The following CRLS1 variants were observed in gnomAD, a reference collection of about 807,000 sequenced individuals.
CRLS1 encodes the protein cardiolipin synthase (CMP-forming).
In CRLS1, 24 loss-of-function variants were observed where a neutral mutation model predicts 37.0. The ratio of observed to expected loss-of-function variants is 0.65; its 90% CI spans 0.47 to 0.91. CRLS1 has a LOEUF of 0.91. Ranked by LOEUF, CRLS1 falls within the 40% of genes least tolerant of loss-of-function variation. CRLS1 has a pLI of 0.00. For missense variants in CRLS1, 373 were observed against 395.8 expected, an observed-to-expected ratio of 0.94 and a Z score of 0.49; for synonymous variants, 135 against 159.7, an observed-to-expected ratio of 0.85 and a Z score of 1.17.
rs745898147 is a variant in CRLS1 at position 6,034,458 on chromosome 20, A to G, written c.730-6A>G. ...TTCACTTAGAACTTTTTCTTTTTTT[A>G]TTTAGGTGAATACAGCAGTCCAGTT... On this transcript the variant is annotated splice_region_variant and splice_polypyrimidine_tract_variant and intron_variant, in intron 5 of 6. Coordinates refer to ENST00000378863, the MANE Select transcript of CRLS1 (RefSeq NM_019095.6). The G allele has an allele frequency of 1.2e-5, 19 of 1,605,496 alleles. No individual in the cohort carries two copies. The South Asian group carries it at 2.0e-4, about 17-fold the overall frequency.
At chr20:6,013,397 A>G (rs963928153) in intron 2 of CRLS1, among the ~76,000 whole-genome samples, 4 of 152,030 alleles carry the variant, frequency 2.6e-5, no homozygotes, top group African/African-American at 7.2e-5. Flanking sequence ...AGGTAGAAAG[A>G]TTAAATGAAA....
chr20:6,033,705 G>A (rs1254140688), intron 5 of CRLS1, among the ~76,000 whole-genome samples: 1 of 151,990 alleles, frequency 6.6e-6, no homozygotes, highest in Non-Finnish European at 1.5e-5. Context: ...TTGAAACGGG[G>A]TCTTGCGCTG....
At position 6,006,843 on chromosome 20, in the gene CRLS1, C is replaced by T. The variant is rs1024112460; in HGVS notation, c.306+291C>T. On this transcript the variant is annotated intron_variant, in intron 1 of 6. Coordinates refer to ENST00000378863, the MANE Select transcript of CRLS1 (RefSeq NM_019095.6). ...ATATTGCATTGATAAAGGTAGCCTT[C>T]GCTTGTCTTACTAAAAGCCTATTTT... 4.1e-6 allele frequency: 4 copies of T among 982,926 alleles called. No homozygotes were observed. The South Asian group carries it at 1.4e-4, about 35-fold the overall frequency. The allele number at this position is 982,926 out of a possible 1,614,324, so 60.9% of individuals were successfully genotyped here. A position where few individuals can be genotyped will look rare whatever the true frequency, so the allele number is the denominator to read the frequency against.
At chr20:6,015,623 T>C (rs1978688789) in intron 3 of CRLS1, 133 bp downstream of exon 3, 1 of 871,184 alleles carries the variant, frequency 1.1e-6, no homozygotes, top group East Asian at 2.7e-5. Flanking sequence ...TTCCCTAATT[T>C]TAAACTGTTG....
upstream of CRLS1, chr20:6,006,113 T>G: frequency 7.2e-6 from 3 of 417,096 alleles, no homozygotes; most frequent in African/African-American, 2.1e-5. Context: ...TGTGCTGGGG[T>G]GTGTAAAGTA....
rs1408919585 is a variant in CRLS1, at chr20:6,038,198, A to G, written c.*1040A>G. 6.6e-6 allele frequency: 1 copy of G among 152,222 alleles called. No homozygotes were observed. The highest frequency in any genetic ancestry group is 1.9e-4 in the East Asian group (1 of 5,206). The allele number at this position is 152,222 out of a possible 1,614,324, so 9.4% of individuals were successfully genotyped here. ...TCTGACTTTAAAAGACTGTTGCTAC[A>G]CGTACATCATGTTTAGGAGAATGTG... On this transcript the variant is annotated 3_prime_UTR_variant, in exon 7 of 7. Transcript: ENST00000378863.
chr20:6,039,743 TAA>T lies in CRLS1; in HGVS notation c.*2599_*2600del, dbSNP rs11087708. The T allele has an allele frequency of 1.9e-3, 268 of 144,804 alleles. No individual in the cohort carries two copies. Among genetic ancestry groups the T allele is most frequent in the Middle Eastern group, 3.5e-3 (1 of 284 alleles). 9.0% of individuals were successfully genotyped at this position (144,804 alleles called of 1,614,324 possible). A position where few individuals can be genotyped will look rare whatever the true frequency, so the allele number is the denominator to read the frequency against. ...GGCCCCAATAACTAGGTTTTTTTGT[TAA>T]AAAAAAAAAAAAAGGAAATGTGAAC... is the stretch of plus-strand genomic sequence containing the variant. On this transcript the variant is annotated 3_prime_UTR_variant, in exon 7 of 7. Transcript: ENST00000378863.
rs554140432 is a variant in CRLS1 at position 6,017,397 on chromosome 20, A to C, written c.574+1907A>C. Among the ~76,000 whole-genome samples, 11 of 152,340 alleles carry C rather than the reference A, an allele frequency of 7.2e-5. No homozygotes were observed. The South Asian group carries it at 2.3e-3, about 32-fold the overall frequency. On this transcript the variant is annotated intron_variant, in intron 3 of 6. Coordinates refer to ENST00000378863, the MANE Select transcript of CRLS1 (RefSeq NM_019095.6). ...GTGATTCCTAATTGATGTTTTCTTT[A>C]AAAAGTTATCTCTCTTAATTCATTT...
At chr20:6,024,750 T>A (rs1246561210) in intron 3 of CRLS1, among the ~76,000 whole-genome samples, 1 of 152,238 alleles carries the variant, frequency 6.6e-6, no homozygotes, top group Non-Finnish European at 1.5e-5. Context: ...ATTAAAATTG[T>A]TACTCCAGTG....
intron 3 of CRLS1, among the ~76,000 whole-genome samples, chr20:6,029,226 TTG>T (rs1363191717): frequency 6.6e-6 from 1 of 152,172 alleles, no homozygotes; most frequent in African/African-American, 2.4e-5. Flanking sequence ...GGTCACACTG[TTG>T]GGTTGGAACC....
At chr20:6,022,899 C>A (rs955939575) in intron 3 of CRLS1, among the ~76,000 whole-genome samples, 4 of 152,146 alleles carry the variant, frequency 2.6e-5, no homozygotes, top group Non-Finnish European at 5.9e-5. Flanking sequence ...GTTAGACGTT[C>A]TCCCCGTATC....
chr20:6,029,745 C>G (rs978259298), intron 3 of CRLS1, among the ~76,000 whole-genome samples: 3 of 152,138 alleles, frequency 2.0e-5, no homozygotes, highest in African/African-American at 7.2e-5. Context: ...AAAAATGTTC[C>G]TAAAAATTAT....
chr20:6,029,966 G>A (rs1216913979), intron 3 of CRLS1, among the ~76,000 whole-genome samples: 4 of 152,150 alleles, frequency 2.6e-5, no homozygotes, highest in Admixed American at 6.5e-5. Flanking sequence ...CCAATTGAAT[G>A]TCAAAACTGG....
intron 3 of CRLS1, among the ~76,000 whole-genome samples, chr20:6,021,504 G>A (rs988101311): frequency 6.6e-6 from 1 of 152,164 alleles, no homozygotes; most frequent in Non-Finnish European, 1.5e-5. Flanking sequence ...AATATATTTT[G>A]TGGGTTCTTA....
chr20:6,033,267 T>C (rs1980312588), intron 5 of CRLS1, among the ~76,000 whole-genome samples: 1 of 151,800 alleles, frequency 6.6e-6, no homozygotes, highest in African/African-American at 2.4e-5. Flanking sequence ...GTAGCTGAGA[T>C]TACAGGCATG....
At position 6,034,444 on chromosome 20, in the gene CRLS1, CT is replaced by C; in HGVS notation, c.730-15del. The C allele has an allele frequency of 1.3e-6, 2 of 1,583,426 alleles. No individual in the cohort carries two copies. The highest frequency in any genetic ancestry group is 1.1e-5 in the South Asian group (1 of 89,730). ...TCCAGTTGGCACTATTCACTTAGAA[CT>C]TTTTCTTTTTTTATTTAGGTGAATA... is the stretch of plus-strand genomic sequence containing the variant. On this transcript the variant is annotated intron_variant, in intron 5 of 6. Transcript: ENST00000378863.
At chr20:6,009,726 GTA>G (rs1488983677) in intron 1 of CRLS1, 47 bp from the exon 2 acceptor site, 1 of 1,512,460 alleles carries the variant, frequency 6.6e-7, no homozygotes, top group Non-Finnish European at 9.1e-7. Flanking sequence ...GTTATTCAAA[GTA>G]TGAATTCATA....
chr20:6,036,060 C>T (rs1207488042), intron 6 of CRLS1, among the ~76,000 whole-genome samples: 2 of 152,156 alleles, frequency 1.3e-5, no homozygotes, highest in East Asian at 1.9e-4. Flanking sequence ...CCGCCTCAGC[C>T]TCTCAAAGTG....
chr20:6,017,544 A>G (rs6107737), intron 3 of CRLS1, among the ~76,000 whole-genome samples: 12,172 of 152,272 alleles, frequency 0.08, 753 homozygotes, highest in African/African-American at 0.17. Flanking sequence ...CTGTCTTTGC[A>G]TCAGTGGCAT....
Sources: gnomAD v4.1 joint callset for allele counts (sites outside exome capture counted in the v4.1 genomes callset) on GRCh38, gnomAD v4.1.1 for gene constraint, MANE v1.5 for transcripts, NCBI Gene and HGNC (gene_info 2026-07-23, HGNC 2026-07-21) for gene names.